DNAH3: variants seen among roughly 807,000 people sequenced by gnomAD.
DNAH3 encodes the protein dynein axonemal heavy chain 3, also known as axonemal beta dynein heavy chain 3.
In DNAH3, 332 loss-of-function variants were observed where a neutral mutation model predicts 432.5. That is an observed-to-expected ratio of 0.77 (90% CI 0.70 to 0.84). The LOEUF is 0.84. Among genes scored for constraint, DNAH3 ranks in the 40% least tolerant of loss-of-function variants. DNAH3 has a pLI of 0.00. For missense variants in DNAH3, 4,861 were observed against 5,114.0 expected (o/e 0.95, Z 1.51); for synonymous variants, 1,956 against 1,900.2 (o/e 1.03, Z -0.76).
At chr16:20,988,458 A>G (rs1373771059) in intron 44 of DNAH3, among the ~76,000 whole-genome samples, 1 of 152,160 alleles carries the variant, frequency 6.6e-6, no homozygotes, top group East Asian at 1.9e-4. Flanking sequence ...TCTGTTGCCC[A>G]GGCTGGAGTG....
At chr16:21,033,716 G>A (rs1363035329) in intron 36 of DNAH3, among the ~76,000 whole-genome samples, 1 of 152,144 alleles carries the variant, frequency 6.6e-6, no homozygotes, top group Admixed American at 6.6e-5. Flanking sequence ...GGGACCTTTG[G>A]AGAAACCACT....
intron 2 of DNAH3, 146 bp downstream of exon 3, chr16:21,145,838 C>A: frequency 1.6e-6 from 1 of 616,126 alleles, no homozygotes; most frequent in Non-Finnish European, 2.9e-6. Context: ...CTTCTGGGGG[C>A]AAAAGCGACC....
chr16:20,967,130 A>G (rs950613858), intron 52 of DNAH3, among the ~76,000 whole-genome samples: 2 of 152,206 alleles, frequency 1.3e-5, no homozygotes, highest in African/African-American at 4.8e-5. Flanking sequence ...CAAGAGGAGA[A>G]ATCAGCCAAA....
chr16:21,079,362 G>A (rs974037369), intron 20 of DNAH3, among the ~76,000 whole-genome samples: 4 of 152,162 alleles, frequency 2.6e-5, no homozygotes, highest in East Asian at 1.9e-4. Context: ...GGTGGCTCAC[G>A]CCTGTAATCC....
At chr16:21,039,214 C>T (rs3095919) in intron 33 of DNAH3, among the ~76,000 whole-genome samples, 41,037 of 128,450 alleles carry the variant, frequency 0.32, 7,470 homozygotes, top group Middle Eastern at 0.43. Context: ...TATAGTGTTG[C>T]TTTTTTTTTT....
chr16:20,933,640 A>G lies in DNAH3; in HGVS notation c.11998-133T>C, dbSNP rs542881453. 2.3e-4 allele frequency: 158 copies of G among 685,568 alleles called. No homozygotes were observed. In the African/African-American group the frequency reaches 2.7e-3, roughly 12 times the overall value. 42.5% of individuals were successfully genotyped at this position (685,568 alleles called of 1,614,324 possible). On this transcript the variant is annotated intron_variant, in intron 61 of 61. Coordinates refer to ENST00000261383, the Ensembl canonical transcript of DNAH3. ...CTACCTCTCCCAGGATCCAGGGACA[A>G]TGGGGCTTCTGTGATAATATTCCTG...
intron 9 of DNAH3, 108 bp from the exon 11 acceptor site, chr16:21,122,232 G>A (rs908451096): frequency 6.5e-6 from 6 of 917,412 alleles, no homozygotes; most frequent in Non-Finnish European, 1.0e-5. Flanking sequence ...AAAAGGCAAT[G>A]AAGGGCATCA....
At position 20,982,319 on chromosome 16, in the gene DNAH3, G is replaced by A. The variant is rs139607320; in HGVS notation, c.7859+402C>T. 3.1e-3 allele frequency among the ~76,000 whole-genome samples: 475 copies of A among 152,250 alleles called. 6 individuals carry two copies. The highest frequency in any genetic ancestry group is 0.011 in the African/African-American group (461 of 41,548). On this transcript the variant is annotated intron_variant, in intron 49 of 61. Coordinates refer to ENST00000261383, the Ensembl canonical transcript of DNAH3. ...GAGAATCACTTGAATCTGGGAGGCA[G>A]AGGTTGCTGTGAGCTGAGATTGCAC...
rs958078571 is a variant in DNAH3, at chr16:21,062,626, A to AGGG, written c.3573_3575dup (p.Pro1192dup). ...TCTTCAAGTGCGGCTGCACTCGGAG[A>AGGG]GGGTCCTTTGTCTCGGACAAGATTT... On this transcript the variant is annotated inframe_insertion, in exon 25 of 62. Transcript: ENST00000261383. The AGGG allele has an allele frequency of 3.1e-6, 5 of 1,614,018 alleles. No homozygotes were observed. The African/African-American group carries it at 6.7e-5, about 22-fold the overall frequency.
chr16:21,017,364 C>T (rs1033325550), intron 41 of DNAH3, among the ~76,000 whole-genome samples: 1 of 152,118 alleles, frequency 6.6e-6, no homozygotes, highest in Non-Finnish European at 1.5e-5. Context: ...TAGGGCAAAC[C>T]TGCCTCCCAT....
intron 44 of DNAH3, among the ~76,000 whole-genome samples, chr16:20,996,629 T>G (rs2086774928): frequency 6.6e-6 from 1 of 152,184 alleles, no homozygotes; most frequent in Non-Finnish European, 1.5e-5. Context: ...CAGCTAATTT[T>G]TTTATTTTTA....
chr16:20,993,704 G>T (rs192247764), intron 44 of DNAH3, among the ~76,000 whole-genome samples: 1 of 151,968 alleles, frequency 6.6e-6, no homozygotes, highest in Non-Finnish European at 1.5e-5. Flanking sequence ...AAATTTTTGA[G>T]ACAGGGTCTT....
At chr16:21,146,086 G>A (rs551913866) in exon 2 of DNAH3, 55 of 1,608,898 alleles carry the variant, frequency 3.4e-5, no homozygotes, top group Non-Finnish European at 4.3e-5. Context: ...CACTTTTGGC[G>A]ATCTGTGGGA....
chr16:21,122,049 C>G (rs1278606828), exon 10 of DNAH3: 2 of 1,613,844 alleles, frequency 1.2e-6, no homozygotes, highest in South Asian at 2.2e-5. Context: ...GGTTCACTGA[C>G]TTCAAGTTTG....
intron 56 of DNAH3, among the ~76,000 whole-genome samples, chr16:20,951,724 T>G (rs934596478): frequency 6.9e-6 from 1 of 145,620 alleles, no homozygotes; most frequent in African/African-American, 2.6e-5. Flanking sequence ...CATGATCCAC[T>G]GCGCCTGGCC....
intron 55 of DNAH3, 126 bp from the exon 56 acceptor site, chr16:20,952,675 C>A (rs2084369282): frequency 3.1e-6 from 2 of 646,384 alleles, no homozygotes; most frequent in African/African-American, 1.8e-5. Flanking sequence ...GAATATCAAG[C>A]ACCGAGGCCA....
At chr16:20,939,560 C>T (rs1315975591) in intron 59 of DNAH3, among the ~76,000 whole-genome samples, 1 of 150,288 alleles carries the variant, frequency 6.7e-6, no homozygotes, top group African/African-American at 2.5e-5. Flanking sequence ...CGCAGTGAGC[C>T]GAGATCGCGC....
At chr16:21,128,567 C>T (rs940989387) in intron 7 of DNAH3, among the ~76,000 whole-genome samples, 9 of 151,808 alleles carry the variant, frequency 5.9e-5, no homozygotes, top group African/African-American at 1.7e-4. Flanking sequence ...TGGTGGCGGG[C>T]GCCTGTAATC....
intron 56 of DNAH3, among the ~76,000 whole-genome samples, chr16:20,950,685 C>T (rs2084271459): frequency 2.6e-5 from 4 of 152,110 alleles, no homozygotes; most frequent in Admixed American, 2.6e-4. Flanking sequence ...GATCTTGATG[C>T]CCCGGTGTTT....
Sources: gnomAD v4.1 joint callset for allele counts (sites outside exome capture counted in the v4.1 genomes callset) on GRCh38, gnomAD v4.1.1 for gene constraint, MANE v1.5 for transcripts, NCBI Gene and HGNC (gene_info 2026-07-23, HGNC 2026-07-21) for gene names.